The following THSD4 variants were observed in gnomAD, a reference collection of about 807,000 sequenced individuals.
THSD4 encodes the protein thrombospondin type 1 domain containing 4.
THSD4 carries 69 observed loss-of-function variants against 119.0 expected under a neutral mutation model. The ratio of observed to expected loss-of-function variants is 0.58; its 90% CI spans 0.48 to 0.71. THSD4 has a LOEUF of 0.71. Among genes scored for constraint, THSD4 ranks in the 30% least tolerant of loss-of-function variants. The pLI, the probability that THSD4 is intolerant of heterozygous loss-of-function variation, is 0.00. For missense variants in THSD4, 1,393 were observed against 1,391.1 expected, an observed-to-expected ratio of 1.00 and a Z score of -0.02; for synonymous variants, 524 against 540.4, an observed-to-expected ratio of 0.97 and a Z score of 0.42.
chr15:71,363,618 C>T (rs938045597), intron 6 of THSD4, among the ~76,000 whole-genome samples: 8 of 152,212 alleles, frequency 5.3e-5, no homozygotes, highest in South Asian at 2.1e-4. Context: ...AATGAACATG[C>T]GTCAAAGATT....
chr15:71,774,343 G>T (rs980052918), intron 17 of THSD4, among the ~76,000 whole-genome samples: 3 of 150,248 alleles, frequency 2.0e-5, no homozygotes, highest in Non-Finnish European at 4.4e-5. Context: ...AGAGGCTGAA[G>T]AAATGCTCAA....
chr15:71,409,564 A>G (rs2046655093), intron 6 of THSD4, among the ~76,000 whole-genome samples: 1 of 152,088 alleles, frequency 6.6e-6, no homozygotes, highest in African/African-American at 2.4e-5. Context: ...CCCCCAAATC[A>G]CCTCTTACAT....
intron 7 of THSD4, among the ~76,000 whole-genome samples, chr15:71,533,439 C>G (rs1044974384): frequency 7.2e-5 from 11 of 152,124 alleles, no homozygotes; most frequent in Non-Finnish European, 5.9e-5. Context: ...ATCAGTGTCA[C>G]TAAATATTAC....
chr15:71,489,433 C>T (rs1335015031), intron 7 of THSD4, among the ~76,000 whole-genome samples: 3 of 152,064 alleles, frequency 2.0e-5, no homozygotes, highest in South Asian at 2.1e-4. Flanking sequence ...AATCTCAGGC[C>T]GACAACCCCC....
intron 10 of THSD4, among the ~76,000 whole-genome samples, chr15:71,736,592 G>A (rs934141573): frequency 6.8e-6 from 1 of 146,626 alleles, no homozygotes; most frequent in Non-Finnish European, 1.5e-5. Context: ...TGTCTCTCTT[G>A]CTCTCTTGGT....
chr15:71,209,874 T>A (rs929183574), intron 3 of THSD4, among the ~76,000 whole-genome samples: 42 of 152,202 alleles, frequency 2.8e-4, no homozygotes, highest in African/African-American at 1.0e-3. Flanking sequence ...GATGATTTTA[T>A]AAAGGGGAGT....
At chr15:71,114,084 G>T (rs1328117856), upstream of THSD4, among the ~76,000 whole-genome samples, 2 of 152,124 alleles carry the variant, frequency 1.3e-5, no homozygotes, top group South Asian at 4.1e-4. Context: ...ATCAAGTGTG[G>T]AATTATTTCA....
intron 8 of THSD4, among the ~76,000 whole-genome samples, chr15:71,685,738 T>C (rs1015895477): frequency 2.0e-5 from 3 of 152,114 alleles, no homozygotes; most frequent in African/African-American, 7.2e-5. Context: ...TATACCAAAC[T>C]AGAAAAGTGG....
rs192762315 is a variant in THSD4 at position 71,256,601 on chromosome 15, C to T, written c.913-12C>T. 70 of 1,611,580 alleles carry T rather than the reference C, an allele frequency of 4.3e-5. No homozygotes were observed. The African/African-American group carries it at 8.0e-4, about 18-fold the overall frequency. On this transcript the variant is annotated splice_polypyrimidine_tract_variant and intron_variant, in intron 5 of 17. Coordinates refer to ENST00000261862, the MANE Select transcript of THSD4 (RefSeq NM_024817.3). ...TGGACACTAATTGCATATTTAATAT[C>T]TGCTTTATTAGGTATGTCCAGAAAG...
chr15:71,726,063 A>G lies in THSD4; in HGVS notation c.1358-2486A>G, dbSNP rs528732143. On this transcript the variant is annotated intron_variant, in intron 8 of 17. Transcript: ENST00000261862. Reference sequence around the variant, plus strand: ...CCAAAGTGCTGGGACTGCAAGCATGAGCCACCGTGCCCAGCCGCACCACTT... The same window carrying G: ...CCAAAGTGCTGGGACTGCAAGCATGGGCCACCGTGCCCAGCCGCACCACTT... Among the ~76,000 whole-genome samples the G allele has an allele frequency of 2.0e-5, 3 of 152,356 alleles. No homozygotes were observed. The East Asian group carries it at 5.8e-4, about 29-fold the overall frequency.
At chr15:71,499,731 A>G (rs1315382174) in intron 7 of THSD4, among the ~76,000 whole-genome samples, 1 of 152,224 alleles carries the variant, frequency 6.6e-6, no homozygotes, top group Non-Finnish European at 1.5e-5. Context: ...TAAATGCCTC[A>G]TATAACTGGA....
chr15:71,390,210 A>C (rs888163552), intron 6 of THSD4, among the ~76,000 whole-genome samples: 1 of 152,150 alleles, frequency 6.6e-6, no homozygotes, highest in African/African-American at 2.4e-5. Context: ...TACTATCAAA[A>C]ACCAGACAGG....
intron 6 of THSD4, among the ~76,000 whole-genome samples, chr15:71,279,521 A>C (rs776454825): frequency 2.6e-5 from 4 of 152,200 alleles, no homozygotes; most frequent in Admixed American, 6.5e-5. Context: ...GGATCCATTG[A>C]CATCTTTGGT....
intron 14 of THSD4, 168 bp from the exon 15 acceptor site, chr15:71,757,734 T>C (rs1483432502): frequency 3.8e-6 from 3 of 789,992 alleles, no homozygotes; most frequent in Non-Finnish European, 5.9e-6. Flanking sequence ...AGAATTGCCA[T>C]ACTGATATCT....
intron 11 of THSD4, among the ~76,000 whole-genome samples, chr15:71,743,163 C>A (rs566576419): frequency 6.6e-6 from 1 of 152,034 alleles, no homozygotes; most frequent in Non-Finnish European, 1.5e-5. Flanking sequence ...TGTCCATAAA[C>A]GCCGTAAAAT....
At chr15:71,757,767 G>T (rs1044829812) in intron 14 of THSD4, 135 bp from the exon 15 acceptor site, 13 of 1,126,380 alleles carry the variant, frequency 1.2e-5, no homozygotes, top group Non-Finnish European at 1.5e-5. Context: ...GGCTATGCAC[G>T]AGAAGCTGCC....
intron 6 of THSD4, among the ~76,000 whole-genome samples, chr15:71,390,961 A>G (rs962713567): frequency 3.4e-5 from 5 of 149,118 alleles, no homozygotes; most frequent in African/African-American, 1.2e-4. Flanking sequence ...CTGATGCTCA[A>G]GGGATCCTCC....
At chr15:71,376,579 A>G (rs1262475224) in intron 6 of THSD4, among the ~76,000 whole-genome samples, 1 of 152,154 alleles carries the variant, frequency 6.6e-6, no homozygotes, top group Admixed American at 6.5e-5. Flanking sequence ...ATCTGCCCTG[A>G]GAAAAACAAA....
At chr15:71,378,821 T>C (rs1172837128) in intron 6 of THSD4, among the ~76,000 whole-genome samples, 1 of 152,234 alleles carries the variant, frequency 6.6e-6, no homozygotes, top group Non-Finnish European at 1.5e-5. Flanking sequence ...TCTCACTCTG[T>C]TGCCCAGGCT....
Sources: allele counts gnomAD v4.1 joint callset (sites outside exome capture counted in the v4.1 genomes callset), GRCh38; gene constraint gnomAD v4.1.1; transcripts MANE v1.5; gene names NCBI Gene and HGNC (gene_info 2026-07-23, HGNC 2026-07-21).